The following PRKCE variants were observed in gnomAD, a reference collection of about 807,000 sequenced individuals.
PRKCE encodes protein kinase C epsilon type.
Under a neutral mutation model 85.4 loss-of-function variants are expected in PRKCE, and 16 were observed. The observed-to-expected ratio is 0.19, with a 90% CI of 0.13 to 0.28. The LOEUF (loss-of-function observed/expected upper bound fraction) is 0.28. PRKCE is among the 10% of genes least tolerant of loss of function. The pLI, the probability that PRKCE is intolerant of heterozygous loss-of-function variation, is 1.00. For synonymous variants in PRKCE, 388 were observed against 371.5 expected, an observed-to-expected ratio of 1.04 and a Z score of -0.51; for missense variants, 573 against 975.2, an observed-to-expected ratio of 0.59 and a Z score of 5.49.
At chr2:45,969,418 C>G (rs1701956999) in intron 2 of PRKCE, among the ~76,000 whole-genome samples, 1 of 152,230 alleles carries the variant, frequency 6.6e-6, no homozygotes, top group South Asian at 2.1e-4. Flanking sequence ...GGCAAATGAA[C>G]TGTCATGCTG....
In PRKCE at chr2:46,041,377, T is replaced by C. The variant is rs1381304205; in HGVS notation, c.1437+30860T>C. ...TTGATTTTCTTAAGTCATGTATATTTATAGAGCCACATACACCTGTTAGAC... is the reference window on the plus strand; with the variant it reads ...TTGATTTTCTTAAGTCATGTATATTCATAGAGCCACATACACCTGTTAGAC... On this transcript the variant is annotated intron_variant, in intron 10 of 14. Transcript: ENST00000306156. The surrounding 1 kb of genome is among the most constrained non-coding windows in gnomAD (Gnocchi z 5.5). Among the ~76,000 whole-genome samples, 2 of 152,244 alleles carry C rather than the reference T, an allele frequency of 1.3e-5. No individual in the cohort carries two copies. The highest frequency in any genetic ancestry group is 2.9e-5 in the Non-Finnish European group (2 of 68,044).
chr2:46,069,422 C>G (rs1424067992), intron 10 of PRKCE, among the ~76,000 whole-genome samples: 1 of 147,756 alleles, frequency 6.8e-6, no homozygotes, highest in Non-Finnish European at 1.5e-5. Flanking sequence ...ATATACTTTG[C>G]AAAAAAAAAT....
chr2:46,142,615 C>T (rs1254483038), intron 11 of PRKCE, among the ~76,000 whole-genome samples: 7 of 152,236 alleles, frequency 4.6e-5, no homozygotes, highest in African/African-American at 1.7e-4. Context: ...GCCTGCAGAC[C>T]ATGCTTGGCT....
chr2:46,122,971 TTTA>T (rs1407814609), intron 11 of PRKCE, among the ~76,000 whole-genome samples: 1 of 150,948 alleles, frequency 6.6e-6, no homozygotes, highest in Non-Finnish European at 1.5e-5. Flanking sequence ...CAAATTATTT[TTTA>T]TGTAAAACTG....
chr2:45,741,051 A>G (rs2104639746), intron 1 of PRKCE, among the ~76,000 whole-genome samples: 1 of 152,380 alleles, frequency 6.6e-6, no homozygotes, highest in Middle Eastern at 3.4e-3. Context: ...AAAAAATTAA[A>G]AAGGTTGCTC....
chr2:46,151,817 A>G (rs1676662788), intron 13 of PRKCE, among the ~76,000 whole-genome samples: 2 of 152,376 alleles, frequency 1.3e-5, no homozygotes, highest in Middle Eastern at 6.8e-3. Context: ...CATCCCTCAC[A>G]TGGGAAAACC....
chr2:45,990,816 C>T (rs572361438), intron 6 of PRKCE, among the ~76,000 whole-genome samples: 1 of 151,742 alleles, frequency 6.6e-6, no homozygotes, highest in South Asian at 2.1e-4. Flanking sequence ...TGCATGCCAC[C>T]ACACTAGGCT....
chr2:45,936,276 C>G (rs1261341146), intron 2 of PRKCE, among the ~76,000 whole-genome samples: 1 of 152,222 alleles, frequency 6.6e-6, no homozygotes, highest in South Asian at 2.1e-4. Context: ...ATTAGACCTT[C>G]CATTTATTCA....
intron 14 of PRKCE, among the ~76,000 whole-genome samples, chr2:46,175,298 CA>C (rs1342679005): frequency 6.6e-6 from 1 of 152,180 alleles, no homozygotes; most frequent in Non-Finnish European, 1.5e-5. Flanking sequence ...TAAATGCACA[CA>C]GGTGGCCTAG....
chr2:45,839,875 T>C (rs1179744160), intron 1 of PRKCE, among the ~76,000 whole-genome samples: 1 of 152,248 alleles, frequency 6.6e-6, no homozygotes, highest in Non-Finnish European at 1.5e-5. Flanking sequence ...GCTTTTGGCA[T>C]GTTTAATAGC....
chr2:46,091,804 A>G (rs975886171), intron 11 of PRKCE, among the ~76,000 whole-genome samples: 4 of 152,236 alleles, frequency 2.6e-5, no homozygotes, highest in African/African-American at 7.2e-5. Flanking sequence ...GTGAAAGAAC[A>G]TTAGAGATTT....
At chr2:46,021,114 G>T (rs34648001) in intron 10 of PRKCE, among the ~76,000 whole-genome samples, 18,800 of 152,190 alleles carry the variant, frequency 0.12, 1,604 homozygotes, top group Non-Finnish European at 0.19. Flanking sequence ...GCAGGGCACA[G>T]TGAGTTTGGG....
intron 11 of PRKCE, among the ~76,000 whole-genome samples, chr2:46,108,299 T>A (rs1671930614): frequency 6.6e-6 from 1 of 152,224 alleles, no homozygotes; most frequent in Non-Finnish European, 1.5e-5. Flanking sequence ...TCCCAGTCTG[T>A]GGCTTGACTT....
intron 6 of PRKCE, among the ~76,000 whole-genome samples, chr2:45,986,658 G>C (rs1333642103): frequency 2.6e-5 from 4 of 152,188 alleles, no homozygotes; most frequent in African/African-American, 9.7e-5. Flanking sequence ...AGAAGTGGGG[G>C]TGTGAGAGGC....
chr2:45,884,221 G>C (rs968903133), intron 2 of PRKCE, among the ~76,000 whole-genome samples: 2 of 152,216 alleles, frequency 1.3e-5, no homozygotes, highest in Non-Finnish European at 2.9e-5. Context: ...TCTGAGTTCA[G>C]GTTCTGCCAC....
chr2:45,798,297 G>A (rs1412975010), intron 1 of PRKCE, among the ~76,000 whole-genome samples: 1 of 152,214 alleles, frequency 6.6e-6, no homozygotes, highest in African/African-American at 2.4e-5. Flanking sequence ...GTTTTATTAT[G>A]TCTATTTTAG....
In PRKCE at chr2:46,186,121, T is replaced by C. The variant is rs1355810643; in HGVS notation, c.*1240T>C. On this transcript the variant is annotated 3_prime_UTR_variant, in exon 15 of 15. Coordinates refer to ENST00000306156, the MANE Select transcript of PRKCE (RefSeq NM_005400.3). The stretch of plus-strand genomic sequence containing the variant: ...CTGTGTGACATGCAATGGCAACTCA[T>C]GTGGACACTATTGAAGGGATGTGAC... 1 of 152,646 alleles carries C rather than the reference T, an allele frequency of 6.6e-6. No homozygotes were observed. The highest frequency in any genetic ancestry group is 2.1e-4 in the South Asian group (1 of 4,826). 9.5% of individuals were successfully genotyped at this position (152,646 alleles called of 1,614,324 possible). A position where few individuals can be genotyped will look rare whatever the true frequency, so the allele number is the denominator to read the frequency against.
chr2:46,125,935 G>A (rs1403882748), intron 11 of PRKCE, among the ~76,000 whole-genome samples: 1 of 152,204 alleles, frequency 6.6e-6, no homozygotes, highest in African/African-American at 2.4e-5. Context: ...GATTAAAAGT[G>A]ATTTAAGACA....
intron 14 of PRKCE, among the ~76,000 whole-genome samples, chr2:46,183,145 C>T (rs981083095): frequency 2.6e-5 from 4 of 152,214 alleles, no homozygotes; most frequent in Non-Finnish European, 5.9e-5. Flanking sequence ...GCAGACCCTG[C>T]TCTCAGGAGA....
Sources: allele counts gnomAD v4.1 joint callset (sites outside exome capture counted in the v4.1 genomes callset), GRCh38; gene constraint gnomAD v4.1.1; non-coding constraint Gnocchi (gnomAD v3.1); transcripts MANE v1.5; gene names NCBI Gene and HGNC (gene_info 2026-07-23, HGNC 2026-07-21).